Variants in RAB11FIP4 observed in about 807,000 individuals in gnomAD.
RAB11FIP4 encodes RAB11 family interacting protein 4.
In RAB11FIP4, 23 loss-of-function variants were observed where a neutral mutation model predicts 74.3. The observed-to-expected ratio is 0.31, with a 90% CI of 0.22 to 0.44. The LOEUF (loss-of-function observed/expected upper bound fraction) is 0.44, where lower values mean the gene tolerates loss of function less well. Ranked by LOEUF, RAB11FIP4 falls within the 20% of genes least tolerant of loss-of-function variation. The pLI, the probability that RAB11FIP4 is intolerant of heterozygous loss-of-function variation, is 1.00. For missense variants in RAB11FIP4, 630 were observed against 863.9 expected (o/e 0.73, Z 3.39); for synonymous variants, 360 against 359.9 (o/e 1.00, Z 0.00).
intron 1 of RAB11FIP4, among the ~76,000 whole-genome samples, chr17:31,402,907 G>A (rs1412617650): frequency 6.6e-6 from 1 of 152,106 alleles, no homozygotes; most frequent in Admixed American, 6.6e-5. Context: ...TTACAGGCGT[G>A]AGCCACCGCG....
chr17:31,401,920 C>A (rs2070989817), intron 1 of RAB11FIP4, among the ~76,000 whole-genome samples: 1 of 152,180 alleles, frequency 6.6e-6, no homozygotes. Flanking sequence ...AATCTATCTC[C>A]TAGAGTTCCA....
At position 31,488,579 on chromosome 17, in the gene RAB11FIP4, G is replaced by T. The variant is rs374637912; in HGVS notation, c.337-29072G>T. On this transcript the variant is annotated intron_variant, in intron 3 of 14. Transcript: ENST00000621161. ...GCAGCGCCCCTGCCCTCCTGCCCTT[G>T]CGGGATCGGCGTGGTACCCAGCGCC... 26 of 190,292 alleles carry T rather than the reference G, an allele frequency of 1.4e-4. No individual in the cohort carries two copies. In the South Asian group the frequency reaches 5.0e-3, roughly 36 times the overall value. The allele number at this position is 190,292 out of a possible 1,614,324, so 11.8% of individuals were successfully genotyped here.
chr17:31,478,587 A>C (rs372337882), intron 3 of RAB11FIP4, among the ~76,000 whole-genome samples: 72 of 152,296 alleles, frequency 4.7e-4, no homozygotes, highest in African/African-American at 1.5e-3. Context: ...TGGGGTTTCC[A>C]CAAAACACGT....
intron 3 of RAB11FIP4, among the ~76,000 whole-genome samples, chr17:31,445,436 T>C (rs995319483): frequency 8.6e-5 from 13 of 150,648 alleles, no homozygotes; most frequent in African/African-American, 9.8e-5. Flanking sequence ...AAGGACACTC[T>C]CCTATGTGAC....
chr17:31,501,259 G>C (rs2072215376), intron 3 of RAB11FIP4, among the ~76,000 whole-genome samples: 1 of 147,930 alleles, frequency 6.8e-6, no homozygotes, highest in African/African-American at 2.5e-5. Flanking sequence ...TGGAAATCCA[G>C]TTACAGATGC....
chr17:31,528,654 T>A lies in RAB11FIP4; in HGVS notation c.1529T>A (p.Leu510Gln). ...IEDLRKELEHLQMYKLDCERP... is the reference protein window; with the variant it reads ...IEDLRKELEHQQMYKLDCERP... ...GACTTGCGGAAGGAGCTGGAGCACC[T>A]GCAGATGTACAAGCTGGACTGCGAG... Residue 510 changes from leucine (L) to glutamine (Q), a missense_variant, in exon 13 of 15, where the codon CTG becomes CAG. By Grantham distance (113) the Leu-to-Gln change is moderately radical (BLOSUM62 -2). Transcript: ENST00000621161. 6.2e-7 allele frequency: 1 copy of A among 1,613,548 alleles called. No individual in the cohort carries two copies. The highest frequency in any genetic ancestry group is 8.5e-7 in the Non-Finnish European group (1 of 1,179,852).
chr17:31,478,948 T>C (rs2071821130), intron 3 of RAB11FIP4, among the ~76,000 whole-genome samples: 1 of 152,214 alleles, frequency 6.6e-6, no homozygotes, highest in Admixed American at 6.5e-5. Flanking sequence ...CCAATTAGTT[T>C]CTGCTGCTTC....
intron 3 of RAB11FIP4, among the ~76,000 whole-genome samples, chr17:31,483,417 T>C (rs1422382637): frequency 1.3e-5 from 2 of 152,140 alleles, no homozygotes; most frequent in Non-Finnish European, 2.9e-5. Flanking sequence ...GGAGATGCCA[T>C]TTCCCACCTC....
chr17:31,521,857 T>C lies in RAB11FIP4; in HGVS notation c.759-58T>C, dbSNP rs966471014. The C allele has an allele frequency of 1.9e-5, 30 of 1,605,974 alleles. No individual in the cohort carries two copies. In the African/African-American group the frequency reaches 3.7e-4, roughly 20 times the overall value. Reference sequence around the variant, plus strand: ...AAGTAAAGTCAGCTCAGCAGGGTGGTGTAGGGCACCAGACTGGACAGCAGT... The same window carrying C: ...AAGTAAAGTCAGCTCAGCAGGGTGGCGTAGGGCACCAGACTGGACAGCAGT... On this transcript the variant is annotated intron_variant, in intron 5 of 14. Coordinates refer to ENST00000621161, the MANE Select transcript of RAB11FIP4 (RefSeq NM_032932.6).
rs187505890 is a variant in RAB11FIP4 at position 31,430,514 on chromosome 17, C to T, written c.160-1299C>T. Among the ~76,000 whole-genome samples, 527 of 149,234 alleles carry T rather than the reference C, an allele frequency of 3.5e-3. 5 individuals are homozygous for T. Among genetic ancestry groups the T allele is most frequent in the Non-Finnish European group, 2.2e-3 (150 of 67,776 alleles). ...CTAGGACTACAGGCGCCCGCCACGA[C>T]GCCCGGCTAATTTTTTTTGTATTTT... On this transcript the variant is annotated intron_variant, in intron 1 of 14. Coordinates refer to ENST00000621161, the MANE Select transcript of RAB11FIP4 (RefSeq NM_032932.6).
At chr17:31,514,889 A>G (rs1379664848) in intron 3 of RAB11FIP4, among the ~76,000 whole-genome samples, 1 of 152,214 alleles carries the variant, frequency 6.6e-6, no homozygotes, top group Non-Finnish European at 1.5e-5. Flanking sequence ...ATGTCCCTAT[A>G]AAATGTGCTC....
chr17:31,516,657 AC>A (rs1201453084), intron 3 of RAB11FIP4, among the ~76,000 whole-genome samples: 2 of 152,166 alleles, frequency 1.3e-5, no homozygotes, highest in Non-Finnish European at 1.5e-5. Context: ...TTTAGTAGAG[AC>A]GGGGTTTCAC....
intron 3 of RAB11FIP4, among the ~76,000 whole-genome samples, chr17:31,443,114 G>A (rs981595874): frequency 3.3e-5 from 5 of 152,130 alleles, no homozygotes; most frequent in Admixed American, 2.6e-4. Flanking sequence ...AAATTTGAGA[G>A]GCTAAAATTA....
intron 5 of RAB11FIP4, among the ~76,000 whole-genome samples, 179 bp downstream of exon 5, chr17:31,521,539 G>A (rs552133407): frequency 4.6e-5 from 7 of 152,138 alleles, no homozygotes; most frequent in East Asian, 1.9e-4. Flanking sequence ...GGGGTCAGGA[G>A]TTCCTCCTGA....
At chr17:31,393,891 G>A (rs1054072325) in intron 1 of RAB11FIP4, among the ~76,000 whole-genome samples, 3 of 151,858 alleles carry the variant, frequency 2.0e-5, no homozygotes, top group African/African-American at 4.8e-5. Flanking sequence ...CAAGCAGACC[G>A]CCCCCCGCCG....
chr17:31,445,573 TATATA>T (rs1319382497), intron 3 of RAB11FIP4, among the ~76,000 whole-genome samples: 16 of 10,472 alleles, frequency 1.5e-3, no homozygotes, highest in Middle Eastern at 0.038. Flanking sequence ...TATATATATA[TATATA>T]TTTTTTTTTT....
chr17:31,426,018 C>T lies in RAB11FIP4; in HGVS notation c.160-5795C>T, dbSNP rs536948237. 7.2e-5 allele frequency among the ~76,000 whole-genome samples: 11 copies of T among 152,336 alleles called. No homozygotes were observed. The South Asian group carries it at 1.7e-3, about 23-fold the overall frequency. ...GGCTGGGTCAGTGGAATGTGTCTGG[C>T]CGAGGACCATCTGTGGCAAAAGGTT... On this transcript the variant is annotated intron_variant, in intron 1 of 14. Transcript: ENST00000621161.
At position 31,531,998 on chromosome 17, in the gene RAB11FIP4, G is replaced by A. The variant is rs1992; in HGVS notation, c.*266G>A. The A allele has an allele frequency of 0.25, 96,749 of 393,232 alleles. 12,922 individuals are homozygous for A. The highest frequency in any genetic ancestry group is 0.42 in the East Asian group (9,774 of 23,522). 24.4% of individuals were successfully genotyped at this position (393,232 alleles called of 1,614,324 possible). A position where few individuals can be genotyped will look rare whatever the true frequency, so the allele number is the denominator to read the frequency against. ...GGGCAGAGGGTACTGGAAGTGGGAG[G>A]AGGCAAGGTCTGCTATCAGGAGTTA... On this transcript the variant is annotated 3_prime_UTR_variant, in exon 15 of 15. Coordinates refer to ENST00000621161, the MANE Select transcript of RAB11FIP4 (RefSeq NM_032932.6).
At chr17:31,395,920 G>T (rs1317032214) in intron 1 of RAB11FIP4, among the ~76,000 whole-genome samples, 1 of 152,174 alleles carries the variant, frequency 6.6e-6, no homozygotes, top group Non-Finnish European at 1.5e-5. Flanking sequence ...GGTGGCTCAT[G>T]CCGGTAATCC....
Sources: allele counts gnomAD v4.1 joint callset (sites outside exome capture counted in the v4.1 genomes callset), GRCh38; gene constraint gnomAD v4.1.1; transcripts MANE v1.5; gene names NCBI Gene and HGNC (gene_info 2026-07-23, HGNC 2026-07-21).